Variants in NR1H4 observed in about 807,000 individuals in gnomAD.
NR1H4 encodes nuclear receptor subfamily 1 group H member 4, also known as bile acid receptor.
Under a neutral mutation model 58.5 loss-of-function variants are expected in NR1H4, and 23 were observed. The ratio of observed to expected loss-of-function variants is 0.39; its 90% CI spans 0.28 to 0.56. The LOEUF (loss-of-function observed/expected upper bound fraction) is 0.56. Among genes scored for constraint, NR1H4 ranks in the 20% least tolerant of loss-of-function variants. The probability of loss-of-function intolerance (pLI) is 0.58; values close to 1 mark genes in which losing one functional copy is unlikely to be tolerated. For missense variants in NR1H4, 487 were observed against 576.9 expected (o/e 0.84, Z 1.60); for synonymous variants, 214 against 198.0 (o/e 1.08, Z -0.68).
At chr12:100,474,882 C>T (rs1194507405) in intron 1 of NR1H4, among the ~76,000 whole-genome samples, 2 of 152,114 alleles carry the variant, frequency 1.3e-5, no homozygotes, top group Non-Finnish European at 2.9e-5. Flanking sequence ...AAATCTGATG[C>T]TGTTTCTGGT....
intron 1 of NR1H4, among the ~76,000 whole-genome samples, chr12:100,481,786 T>C (rs1037960980): frequency 2.6e-5 from 4 of 151,806 alleles, no homozygotes; most frequent in East Asian, 1.9e-4. Flanking sequence ...TGGTGGCGGG[T>C]GCCTGTAGTC....
intron 1 of NR1H4, among the ~76,000 whole-genome samples, chr12:100,488,729 G>A (rs1953546546): frequency 6.6e-6 from 1 of 152,104 alleles, no homozygotes; most frequent in Admixed American, 6.5e-5. Flanking sequence ...AAAGGATAAG[G>A]GAGGGTAAAA....
rs192767074 is a variant in NR1H4 at position 100,546,556 on chromosome 12, G to A, written c.1078+5738G>A. On this transcript the variant is annotated intron_variant, in intron 9 of 10. Transcript: ENST00000392986. ...TAAAAATATAAAAAATTAGCCTGGC[G>A]TGGTGGCAGGCACCTGTAATCCTAG... Among the ~76,000 whole-genome samples the A allele has an allele frequency of 5.3e-5, 8 of 152,160 alleles. No homozygotes were observed. In the East Asian group the frequency reaches 1.2e-3, roughly 22 times the overall value.
At chr12:100,499,226 G>A (rs1232300666) in intron 3 of NR1H4, among the ~76,000 whole-genome samples, 1 of 152,156 alleles carries the variant, frequency 6.6e-6, no homozygotes, top group East Asian at 1.9e-4. Flanking sequence ...TTGATTTCAG[G>A]TATTTTTCCA....
chr12:100,483,800 A>G (rs955352077), intron 1 of NR1H4, among the ~76,000 whole-genome samples: 3 of 152,110 alleles, frequency 2.0e-5, no homozygotes, highest in Admixed American at 6.5e-5. Flanking sequence ...TCTGGCCAAC[A>G]TGGTGAAACC....
chr12:100,475,473 C>A (rs143685049), intron 1 of NR1H4, among the ~76,000 whole-genome samples: 107 of 152,252 alleles, frequency 7.0e-4, no homozygotes, highest in African/African-American at 2.3e-3. Flanking sequence ...GTACCTCTGC[C>A]CTCTCCTCAC....
chr12:100,494,046 G>C (rs1369326663), intron 3 of NR1H4, among the ~76,000 whole-genome samples: 1 of 152,152 alleles, frequency 6.6e-6, no homozygotes, highest in Non-Finnish European at 1.5e-5. Flanking sequence ...GTGGGACAGG[G>C]AGCCTTTCTG....
At chr12:100,512,979 G>T (rs1018510107) in intron 4 of NR1H4, among the ~76,000 whole-genome samples, 1 of 152,090 alleles carries the variant, frequency 6.6e-6, no homozygotes, top group Non-Finnish European at 1.5e-5. Context: ...TAAAAACTGG[G>T]TATGATATTG....
intron 3 of NR1H4, among the ~76,000 whole-genome samples, chr12:100,501,012 A>G (rs1363963005): frequency 6.6e-6 from 1 of 152,090 alleles, no homozygotes; most frequent in Non-Finnish European, 1.5e-5. Flanking sequence ...AATATGAGAC[A>G]GTTGATCATC....
chr12:100,501,165 A>G lies in NR1H4; in HGVS notation c.79+7763A>G, dbSNP rs559451785. ...GTATAGATGTTTCTGAGGGCAACCG[A>G]CAGGTCCATTTATTTTGGCCAGTGA... is the stretch of plus-strand genomic sequence containing the variant. On this transcript the variant is annotated intron_variant, in intron 3 of 10. Coordinates refer to ENST00000392986, the MANE Select transcript of NR1H4 (RefSeq NM_001206979.2). Among the ~76,000 whole-genome samples the G allele has an allele frequency of 3.3e-5, 5 of 151,812 alleles. No homozygotes were observed. The East Asian group carries it at 9.7e-4, about 29-fold the overall frequency.
intron 4 of NR1H4, among the ~76,000 whole-genome samples, chr12:100,523,506 G>T (rs535200932): frequency 2.6e-5 from 4 of 152,164 alleles, no homozygotes; most frequent in Admixed American, 6.5e-5. Context: ...TCTGTGGGTT[G>T]TCTGTTCACT....
chr12:100,494,443 C>T (rs1953668909), intron 3 of NR1H4, among the ~76,000 whole-genome samples: 1 of 152,066 alleles, frequency 6.6e-6, no homozygotes, highest in Non-Finnish European at 1.5e-5. Context: ...ATTTAGTAGG[C>T]ACTTGATAAA....
chr12:100,549,266 AG>A (rs1278856921), intron 9 of NR1H4, among the ~76,000 whole-genome samples: 23 of 152,166 alleles, frequency 1.5e-4, no homozygotes, highest in African/African-American at 5.1e-4. Context: ...GGAACCTGGG[AG>A]GCAGAGGTTG....
chr12:100,554,984 T>C (rs2136302548), intron 9 of NR1H4, among the ~76,000 whole-genome samples: 2 of 152,340 alleles, frequency 1.3e-5, no homozygotes, highest in African/African-American at 4.8e-5. Context: ...TTTTACATTT[T>C]CTCTATATTC....
chr12:100,531,443 A>G (rs1954690048), intron 4 of NR1H4, among the ~76,000 whole-genome samples: 1 of 152,234 alleles, frequency 6.6e-6, no homozygotes, highest in South Asian at 2.1e-4. Context: ...CGACAGAACA[A>G]GACTCTGTCT....
At chr12:100,519,818 A>G (rs898604864) in intron 4 of NR1H4, among the ~76,000 whole-genome samples, 2 of 152,136 alleles carry the variant, frequency 1.3e-5, no homozygotes, top group African/African-American at 4.8e-5. Flanking sequence ...CAGGTACCTA[A>G]CATGTCTTAG....
chr12:100,520,929 C>A (rs1049426254), intron 4 of NR1H4, among the ~76,000 whole-genome samples: 2 of 152,124 alleles, frequency 1.3e-5, no homozygotes, highest in African/African-American at 4.8e-5. Context: ...TAAGACCGTG[C>A]AATATTTATT....
chr12:100,537,544 C>CA (rs1347623502), intron 8 of NR1H4, among the ~76,000 whole-genome samples: 1 of 152,184 alleles, frequency 6.6e-6, no homozygotes, highest in Non-Finnish European at 1.5e-5. Flanking sequence ...TACACATACA[C>CA]ACGAAGTGCT....
At chr12:100,521,470 T>C (rs2136198538) in intron 4 of NR1H4, among the ~76,000 whole-genome samples, 1 of 152,326 alleles carries the variant, frequency 6.6e-6, no homozygotes, top group South Asian at 2.1e-4. Context: ...ACAAAACTGA[T>C]CAGCATCTAA....
Sources: gnomAD v4.1 joint callset for allele counts (sites outside exome capture counted in the v4.1 genomes callset) on GRCh38, gnomAD v4.1.1 for gene constraint, MANE v1.5 for transcripts, NCBI Gene and HGNC (gene_info 2026-07-23, HGNC 2026-07-21) for gene names.